Variants in SLC12A1 observed in about 807,000 individuals in gnomAD.
SLC12A1 encodes the protein solute carrier family 12 member 1, also known as Na-K-2Cl cotransporter.
SLC12A1 carries 89 observed loss-of-function variants against 130.4 expected under a neutral mutation model. That is an observed-to-expected ratio of 0.68 (90% CI 0.58 to 0.81). The LOEUF (loss-of-function observed/expected upper bound fraction) is 0.81. Ranked by LOEUF, SLC12A1 falls within the 40% of genes least tolerant of loss-of-function variation. The probability of loss-of-function intolerance (pLI) is 0.00; values close to 1 mark genes in which losing one functional copy is unlikely to be tolerated. For missense variants in SLC12A1, 1,310 were observed against 1,336.4 expected (o/e 0.98, Z 0.31); for synonymous variants, 499 against 460.0 (o/e 1.08, Z -1.09).
At position 48,274,651 on chromosome 15, in the gene SLC12A1, A is replaced by AAGGTACTTC; in HGVS notation, c.2485+3_2485+4insCTTCAGGTA. ...GACATCTCTCAGGTTCTTCAGGTGC[A>AAGGTACTTC]AGGTATGTACTTTCTTTATTCAACC... On this transcript the variant is annotated inframe_insertion and splice_region_variant, in exon 20 of 27. Coordinates refer to ENST00000380993, the MANE Select transcript of SLC12A1 (RefSeq NM_000338.3). 1 of 1,606,488 alleles carries AAGGTACTTC rather than the reference A, an allele frequency of 6.2e-7. No individual in the cohort carries two copies. Among genetic ancestry groups the AAGGTACTTC allele is most frequent in the Non-Finnish European group, 8.5e-7 (1 of 1,173,618 alleles).
chr15:48,266,083 C>A (rs1485218545), intron 17 of SLC12A1, among the ~76,000 whole-genome samples: 1 of 152,164 alleles, frequency 6.6e-6, no homozygotes, highest in Non-Finnish European at 1.5e-5. Context: ...TGTTCAATAG[C>A]AGCATGGACA....
At chr15:48,281,921 A>G (rs939299781) in intron 20 of SLC12A1, among the ~76,000 whole-genome samples, 16 of 152,146 alleles carry the variant, frequency 1.1e-4, no homozygotes, top group African/African-American at 3.4e-4. Context: ...AAAAATGTTT[A>G]GACAAAGTCT....
chr15:48,211,534 A>T (rs974856484), intron 2 of SLC12A1, among the ~76,000 whole-genome samples: 1 of 152,200 alleles, frequency 6.6e-6, no homozygotes, highest in African/African-American at 2.4e-5. Flanking sequence ...CAGATTTTGT[A>T]TGCAAAAAAT....
At chr15:48,248,301 T>G (rs1390013120) in intron 13 of SLC12A1, among the ~76,000 whole-genome samples, 1 of 152,250 alleles carries the variant, frequency 6.6e-6, no homozygotes, top group Non-Finnish European at 1.5e-5. Context: ...GGGGAATTTG[T>G]AACTCTCTGT....
At chr15:48,225,761 G>A (rs758990360) in intron 4 of SLC12A1, 1 of 246,178 alleles carries the variant, frequency 4.1e-6, no homozygotes. Context: ...GTGGTCCTTT[G>A]ATGTTTACCC....
intron 20 of SLC12A1, among the ~76,000 whole-genome samples, chr15:48,280,642 A>G (rs1345568746): frequency 6.6e-6 from 1 of 152,118 alleles, no homozygotes; most frequent in Non-Finnish European, 1.5e-5. Context: ...CCCAGTAGGT[A>G]CCATTAAAGG....
chr15:48,261,978 G>A (rs2041779562), intron 17 of SLC12A1, among the ~76,000 whole-genome samples: 1 of 152,182 alleles, frequency 6.6e-6, no homozygotes, highest in Non-Finnish European at 1.5e-5. Context: ...TTCTAATGCT[G>A]AGTATGGTGT....
intron 14 of SLC12A1, 87 bp from the exon 15 acceptor site, chr15:48,251,528 A>G: frequency 9.5e-7 from 1 of 1,056,998 alleles, no homozygotes; most frequent in Middle Eastern, 2.0e-4. Context: ...TATGTCAGGA[A>G]AAAGGCATGT....
chr15:48,255,552 G>T (rs2041697711), intron 15 of SLC12A1, among the ~76,000 whole-genome samples: 1 of 152,146 alleles, frequency 6.6e-6, no homozygotes. Context: ...CTCCCACCAA[G>T]CAAGATTTCT....
chr15:48,303,010 C>A lies in SLC12A1; in HGVS notation c.*125C>A, dbSNP rs1449843413. ...CCTCTGGAGAGGATCCTACCAGATT[C>A]TACATACATTGCATAATTTTTATCA... On this transcript the variant is annotated 3_prime_UTR_variant, in exon 27 of 27. Coordinates refer to ENST00000380993, the MANE Select transcript of SLC12A1 (RefSeq NM_000338.3). The A allele has an allele frequency of 1.5e-6, 1 of 651,044 alleles. No individual in the cohort carries two copies. The highest frequency in any genetic ancestry group is 3.3e-5 in the South Asian group (1 of 30,214). 40.3% of individuals were successfully genotyped at this position (651,044 alleles called of 1,614,324 possible).
At chr15:48,252,166 G>C (rs1317505165) in intron 15 of SLC12A1, among the ~76,000 whole-genome samples, 3 of 152,152 alleles carry the variant, frequency 2.0e-5, no homozygotes, top group Non-Finnish European at 4.4e-5. Flanking sequence ...TCACACCACT[G>C]CACTCCAACC....
intron 16 of SLC12A1, 114 bp downstream of exon 16, chr15:48,256,024 A>G (rs985423235): frequency 1.4e-6 from 1 of 702,704 alleles, no homozygotes; most frequent in Non-Finnish European, 2.5e-6. Flanking sequence ...TTCTAAAAAT[A>G]AGCAGTCATA....
At chr15:48,222,111 A>C (rs1263391756) in intron 4 of SLC12A1, among the ~76,000 whole-genome samples, 1 of 152,194 alleles carries the variant, frequency 6.6e-6, no homozygotes, top group African/African-American at 2.4e-5. Context: ...TCACAGCCGC[A>C]GGGTCCAAAA....
chr15:48,279,627 A>T (rs1329299554), intron 20 of SLC12A1, among the ~76,000 whole-genome samples: 1 of 152,260 alleles, frequency 6.6e-6, no homozygotes, highest in Non-Finnish European at 1.5e-5. Context: ...ACACAAAAAA[A>T]GCCATGATAT....
rs1228204376 is a variant in SLC12A1, at chr15:48,207,167, T to A, written c.-186-367T>A. Among the ~76,000 whole-genome samples the A allele has an allele frequency of 2.0e-5, 3 of 152,228 alleles. No homozygotes were observed. In the East Asian group the frequency reaches 5.8e-4, roughly 29 times the overall value. ...CAAAATACTTTGCAGTTTCAGCATT[T>A]AGTACTGTCAGTGAACTGTGTCTTA... On this transcript the variant is annotated intron_variant, in intron 1 of 26. Coordinates refer to ENST00000380993, the MANE Select transcript of SLC12A1 (RefSeq NM_000338.3).
At chr15:48,293,449 G>A (rs1382668766) in intron 24 of SLC12A1, among the ~76,000 whole-genome samples, 2 of 152,144 alleles carry the variant, frequency 1.3e-5, no homozygotes, top group Non-Finnish European at 2.9e-5. Context: ...ATCATACAGA[G>A]GGATGTGAAG....
chr15:48,232,926 G>A (rs927842795), intron 8 of SLC12A1, 88 bp downstream of exon 8: 35 of 762,816 alleles, frequency 4.6e-5, no homozygotes, highest in South Asian at 3.2e-4. Context: ...CCCAGCCTTC[G>A]GAATGCCTGG....
At chr15:48,288,609 A>T (rs950458688) in intron 23 of SLC12A1, 93 bp downstream of exon 23, 11 of 659,860 alleles carry the variant, frequency 1.7e-5, no homozygotes, top group Non-Finnish European at 2.7e-5. Flanking sequence ...CTGAGACACA[A>T]TAGACTCAAA....
rs1382934939 is a variant in SLC12A1, at chr15:48,259,328, C to T, written c.2154+17C>T. The T allele has an allele frequency of 7.3e-6, 11 of 1,497,080 alleles. No individual in the cohort carries two copies. Among genetic ancestry groups the T allele is most frequent in the Non-Finnish European group, 9.3e-6 (10 of 1,073,132 alleles). The allele number at this position is 1,497,080 out of a possible 1,614,324, so 92.7% of individuals were successfully genotyped here. ...GTCTTTGTGGTAAGAGCCACTTCAC[C>T]CCAGGGAAGTCCTTTTTCCTCCCTG... On this transcript the variant is annotated intron_variant, in intron 17 of 26. Coordinates refer to ENST00000380993, the MANE Select transcript of SLC12A1 (RefSeq NM_000338.3).
Sources: gnomAD v4.1 joint callset for allele counts (sites outside exome capture counted in the v4.1 genomes callset) on GRCh38, gnomAD v4.1.1 for gene constraint, MANE v1.5 for transcripts, NCBI Gene and HGNC (gene_info 2026-07-23, HGNC 2026-07-21) for gene names.